Variants in SP110 observed in about 807,000 individuals in gnomAD.
The protein encoded by SP110 is interferon-induced protein 41, 30kD.
SP110 carries 62 observed loss-of-function variants against 92.7 expected under a neutral mutation model. The observed-to-expected ratio is 0.67, with a 90% CI of 0.55 to 0.83. The LOEUF (loss-of-function observed/expected upper bound fraction) is 0.83. Among genes scored for constraint, SP110 ranks in the 40% least tolerant of loss-of-function variants. The pLI is 0.00. For missense variants in SP110, 793 were observed against 863.9 expected (o/e 0.92, Z 1.03); for synonymous variants, 273 against 305.3 (o/e 0.89, Z 1.10).
At chr2:230,199,985 A>C (rs1418859110) in intron 10 of SP110, among the ~76,000 whole-genome samples, 1 of 152,170 alleles carries the variant, frequency 6.6e-6, no homozygotes, top group African/African-American at 2.4e-5. Context: ...TCCATATCTT[A>C]ATTTCCTCAT....
At position 230,211,450 on chromosome 2, in the gene SP110, G is replaced by T. The variant is rs771697530; in HGVS notation, c.751+20C>A. The T allele has an allele frequency of 6.7e-7, 1 of 1,498,684 alleles. No homozygotes were observed. Among genetic ancestry groups the T allele is most frequent in the Non-Finnish European group, 9.3e-7 (1 of 1,074,820 alleles). 92.8% of individuals were successfully genotyped at this position (1,498,684 alleles called of 1,614,324 possible). A position where few individuals can be genotyped will look rare whatever the true frequency, so the allele number is the denominator to read the frequency against. On this transcript the variant is annotated intron_variant, in intron 6 of 18. Coordinates refer to ENST00000258381, the MANE Select transcript of SP110 (RefSeq NM_080424.4). This position sits in a 1 kb window ranked among gnomAD's most constrained non-coding sequence, Gnocchi z 4.2. ...CACAGAAACAAAGGCAAGCTTTTAGGTTGACCAAACCAAGATTACCTGGCA... is the reference window on the plus strand; with the variant it reads ...CACAGAAACAAAGGCAAGCTTTTAGTTTGACCAAACCAAGATTACCTGGCA...
chr2:230,178,110 A>G, intron 13 of SP110, 47 bp downstream of exon 13: 1 of 1,145,702 alleles, frequency 8.7e-7, no homozygotes, highest in Non-Finnish European at 1.3e-6. Flanking sequence ...CCTTCTAGTG[A>G]GTCCTTCATC....
At chr2:230,190,173 G>A (rs1397189667) in intron 10 of SP110, among the ~76,000 whole-genome samples, 1 of 152,142 alleles carries the variant, frequency 6.6e-6, no homozygotes, top group African/African-American at 2.4e-5. Flanking sequence ...CCCACCAACA[G>A]TGTAAAAGTA....
At chr2:230,187,058 GTTAT>G (rs1450111259) in intron 10 of SP110, among the ~76,000 whole-genome samples, 1 of 152,122 alleles carries the variant, frequency 6.6e-6, no homozygotes, top group Non-Finnish European at 1.5e-5. Flanking sequence ...TCTACTTTTA[GTTAT>G]TTAAGAAATC....
At chr2:230,207,145 GT>G (rs973095932) in intron 8 of SP110, among the ~76,000 whole-genome samples, 1 of 152,110 alleles carries the variant, frequency 6.6e-6, no homozygotes, top group Non-Finnish European at 1.5e-5. Flanking sequence ...AAGCAGCAAA[GT>G]TTTTTCTTTT....
At chr2:230,183,673 C>T (rs2042229107) in intron 11 of SP110, 33 bp from the exon 12 acceptor site, 3 of 1,269,090 alleles carry the variant, frequency 2.4e-6, no homozygotes, top group Non-Finnish European at 3.5e-6. Flanking sequence ...CTTATAGCTA[C>T]AAACATAGAT....
intron 18 of SP110, among the ~76,000 whole-genome samples, chr2:230,169,531 C>T (rs1449217261): frequency 6.6e-6 from 1 of 152,134 alleles, no homozygotes; most frequent in African/African-American, 2.4e-5. Context: ...CTATGTTGCT[C>T]AGGCTGGTCT....
chr2:230,197,187 C>G (rs2042917085), intron 10 of SP110, among the ~76,000 whole-genome samples: 1 of 151,870 alleles, frequency 6.6e-6, no homozygotes, highest in South Asian at 2.1e-4. Context: ...TATTTCTCCA[C>G]ATCCTCTCCA....
At chr2:230,171,609 T>C (rs2078442789) in intron 17 of SP110, 87 bp downstream of exon 17, 1 of 1,022,756 alleles carries the variant, frequency 9.8e-7, no homozygotes, top group East Asian at 2.4e-5. Context: ...TTCTCCAGCT[T>C]CCTGAGCAAA....
intron 10 of SP110, among the ~76,000 whole-genome samples, chr2:230,197,104 T>A (rs763437908): frequency 1.3e-5 from 2 of 152,348 alleles, no homozygotes; most frequent in Non-Finnish European, 1.5e-5. Context: ...CCCAGATCCC[T>A]GAGGAATCAC....
In SP110 at chr2:230,204,671, G is replaced by GAGAC. The variant is rs572585114; in HGVS notation, c.899-1947_899-1944dup. ...CAGGACATTACCATCTAGCCTAGAA[G>GAGAC]AGACACATTATGTAAGTAATTACAA... On this transcript the variant is annotated intron_variant, in intron 8 of 18. Coordinates refer to ENST00000258381, the MANE Select transcript of SP110 (RefSeq NM_080424.4). Among the ~76,000 whole-genome samples the GAGAC allele has an allele frequency of 1.0e-3, 154 of 151,918 alleles. 1 individual carries two copies. Among genetic ancestry groups the GAGAC allele is most frequent in the African/African-American group, 3.3e-3 (135 of 41,396 alleles).
chr2:230,224,515 C>CAG (rs879416639), upstream of SP110, among the ~76,000 whole-genome samples: 49 of 139,952 alleles, frequency 3.5e-4, no homozygotes, highest in East Asian at 6.2e-4. Flanking sequence ...AGAGAGAGGA[C>CAG]AGAGAGAGAG....
chr2:230,221,600 G>A, upstream of SP110: 1 of 1,075,098 alleles, frequency 9.3e-7, no homozygotes. Flanking sequence ...TGAGGAGAGG[G>A]TGCATTGATG....
At chr2:230,179,218 C>T (rs982904881) in intron 12 of SP110, among the ~76,000 whole-genome samples, 5 of 152,150 alleles carry the variant, frequency 3.3e-5, no homozygotes, top group Admixed American at 6.5e-5. Context: ...TAGAGTGAGA[C>T]TGAGAGAGGA....
rs144837491 is a variant in SP110 at position 230,174,251 on chromosome 2, C to T, written c.1591-1292G>A. On this transcript the variant is annotated intron_variant, in intron 14 of 18. Transcript: ENST00000258381. ...CACTGTCAAAAAATAATTATTGACC[C>T]TCTGAGTACTCACAGTGTTCTAATA... 3.3e-5 allele frequency: 5 copies of T among 152,338 alleles called. No individual in the cohort carries two copies. In the East Asian group the frequency reaches 9.6e-4, roughly 29 times the overall value. The allele number at this position is 152,338 out of a possible 1,614,324, so 9.4% of individuals were successfully genotyped here.
chr2:230,193,561 T>C (rs538696926), intron 10 of SP110, among the ~76,000 whole-genome samples: 1 of 152,352 alleles, frequency 6.6e-6, no homozygotes, highest in African/African-American at 2.4e-5. Context: ...TAGTGACAAA[T>C]TCCCTCAGCA....
At chr2:230,178,862 T>A (rs2041987676) in intron 12 of SP110, among the ~76,000 whole-genome samples, 1 of 152,240 alleles carries the variant, frequency 6.6e-6, no homozygotes, top group South Asian at 2.1e-4. Context: ...ATCCAGAGTT[T>A]AGATTCAGGG....
intron 12 of SP110, 73 bp downstream of exon 12, chr2:230,183,499 G>C: frequency 1.1e-6 from 1 of 931,630 alleles, no homozygotes; most frequent in Non-Finnish European, 1.8e-6. Context: ...GAAGGAGAGG[G>C]CGGGTGGAGC....
chr2:230,206,598 TA>T (rs1559169576), intron 8 of SP110, among the ~76,000 whole-genome samples: 37 of 31,286 alleles, frequency 1.2e-3, no homozygotes, highest in Non-Finnish European at 1.4e-3. Flanking sequence ...CCAGATTTTA[TA>T]TATATATATA....
Sources: gnomAD v4.1 joint callset for allele counts (sites outside exome capture counted in the v4.1 genomes callset) on GRCh38, gnomAD v4.1.1 for gene constraint, Gnocchi (gnomAD v3.1) non-coding constraint, MANE v1.5 for transcripts, NCBI Gene and HGNC (gene_info 2026-07-23, HGNC 2026-07-21) for gene names.